The following HEPHL1 variants were observed in gnomAD, a reference collection of about 807,000 sequenced individuals.
HEPHL1 encodes ferroxidase HEPHL1.
Under a neutral mutation model 122.0 loss-of-function variants are expected in HEPHL1, and 123 were observed. The observed-to-expected ratio is 1.01, with a 90% CI of 0.87 to 1.17. HEPHL1 has a LOEUF of 1.17. Among genes scored for constraint, HEPHL1 ranks in the 50% most tolerant of loss-of-function variants. The pLI is 0.00. For missense variants in HEPHL1, 1,452 were observed against 1,430.5 expected (o/e 1.01, Z -0.24); for synonymous variants, 527 against 508.9 (o/e 1.04, Z -0.48).
At chr11:94,061,778 A>G (rs1432566081) in intron 2 of HEPHL1, among the ~76,000 whole-genome samples, 1 of 152,188 alleles carries the variant, frequency 6.6e-6, no homozygotes, top group Non-Finnish European at 1.5e-5. Context: ...CATCTTTTGG[A>G]AAGCATTCTT....
chr11:94,085,891 G>T, intron 10 of HEPHL1, 86 bp from the exon 11 acceptor site: 1 of 947,182 alleles, frequency 1.1e-6, no homozygotes. Context: ...TGAAAACAAG[G>T]ATCTTTTGTA....
At position 94,064,358 on chromosome 11, in the gene HEPHL1, G is replaced by T. The variant is rs749277008; in HGVS notation, c.656G>T (p.Arg219Leu). 6.2e-7 allele frequency: 1 copy of T among 1,612,760 alleles called. No individual in the cohort carries two copies. The highest frequency in any genetic ancestry group is 1.3e-5 in the African/African-American group (1 of 74,892). ...EGILNRYSGT[R>L]NDVDREFVIM... ...ATCCTGAATAGATATTCAGGGACAC[G>T]GAATGATGTGGATCGAGAGTTTGTT... The change falls in exon 4 of 20, where the codon CGG (arginine) becomes CTG (leucine). Residue 219 changes from arginine to leucine, a missense_variant. By Grantham distance (102) the Arg-to-Leu change is moderately radical. Transcript: ENST00000315765.
At chr11:94,062,705 T>A (rs1945996335) in intron 2 of HEPHL1, among the ~76,000 whole-genome samples, 2 of 151,872 alleles carry the variant, frequency 1.3e-5, no homozygotes, top group South Asian at 4.2e-4. Context: ...AAATCTCACC[T>A]CTGTTGTAGA....
At chr11:94,041,073 C>T (rs1275321818) in intron 1 of HEPHL1, among the ~76,000 whole-genome samples, 2 of 137,678 alleles carry the variant, frequency 1.5e-5, no homozygotes, top group African/African-American at 5.6e-5. Context: ...TTCTTATAGA[C>T]CAACAACAGA....
chr11:94,070,305 A>G, intron 5 of HEPHL1, 69 bp from the exon 6 acceptor site: 1 of 1,432,392 alleles, frequency 7.0e-7, no homozygotes, highest in African/African-American at 1.4e-5. Flanking sequence ...CAAATCTATC[A>G]GTCTTTTCCT....
In HEPHL1 at chr11:94,056,629, C is replaced by T. The variant is rs552503713; in HGVS notation, c.416-6879C>T. ...AAGCTTTGCTCCATAAAGCTCCATTCTCTCCCCCTCCTTTGTGCTATTATT... is the reference window on the plus strand; with the variant it reads ...AAGCTTTGCTCCATAAAGCTCCATTTTCTCCCCCTCCTTTGTGCTATTATT... On this transcript the variant is annotated intron_variant, in intron 2 of 19. Transcript: ENST00000315765. Among the ~76,000 whole-genome samples the T allele has an allele frequency of 8.3e-4, 87 of 104,646 alleles. 1 individual carries two copies. In the South Asian group the frequency reaches 0.015, roughly 18 times the overall value. The allele number at this position is 104,646 out of a possible 152,430, so 68.7% of individuals were successfully genotyped here. A position where few individuals can be genotyped will look rare whatever the true frequency, so the allele number is the denominator to read the frequency against.
At chr11:94,084,187 G>C (rs1227196462) in intron 10 of HEPHL1, among the ~76,000 whole-genome samples, 1 of 151,760 alleles carries the variant, frequency 6.6e-6, no homozygotes, top group Non-Finnish European at 1.5e-5. Flanking sequence ...AGCCAGGTAT[G>C]GTGGTGTGCA....
chr11:94,092,020 G>A (rs1321546233), intron 12 of HEPHL1, among the ~76,000 whole-genome samples: 8 of 152,160 alleles, frequency 5.3e-5, no homozygotes, highest in East Asian at 3.9e-4. Context: ...TAACATCAAC[G>A]TTGTTAAATG....
chr11:94,021,656 A>C, intron 1 of HEPHL1, 118 bp downstream of exon 1: 2 of 800,186 alleles, frequency 2.5e-6, no homozygotes, highest in East Asian at 5.0e-5. Context: ...GACCAAGAGA[A>C]GGTGTTTTGT....
In HEPHL1 at chr11:94,063,703, T is replaced by C; in HGVS notation, c.611T>C (p.Leu204Pro). ...ATCTGCTCTGGGCTAATTGGGCCCC[T>C]GCTGGTCTGCAAGGAAGGTAAGGAG... Reference protein sequence around the residue: ...KDICSGLIGPLLVCKEGILNR... With the variant: ...KDICSGLIGPPLVCKEGILNR... Residue 204 changes from leucine (L) to proline (P), a missense_variant, in exon 3 of 20, where the codon CTG (leucine) becomes CCG (proline). By Grantham distance (98) the Leu-to-Pro change is moderately conservative. Coordinates refer to ENST00000315765, the MANE Select transcript of HEPHL1 (RefSeq NM_001098672.2). 6.2e-7 allele frequency: 1 copy of C among 1,613,600 alleles called. No individual in the cohort carries two copies. Among genetic ancestry groups the C allele is most frequent in the Non-Finnish European group, 8.5e-7 (1 of 1,179,656 alleles).
At chr11:94,060,405 C>G (rs900098135) in intron 2 of HEPHL1, among the ~76,000 whole-genome samples, 3 of 151,654 alleles carry the variant, frequency 2.0e-5, no homozygotes, top group Non-Finnish European at 4.4e-5. Context: ...AAAACTTAGG[C>G]ACATGTTATA....
chr11:94,102,919 G>C lies in HEPHL1; in HGVS notation c.2581G>C (p.Val861Leu). The C allele has an allele frequency of 6.5e-7, 1 of 1,549,744 alleles. No homozygotes were observed. The highest frequency in any genetic ancestry group is 2.2e-5 in the East Asian group (1 of 44,550). The change falls in exon 15 of 20, where the codon GTA (valine) becomes CTA (leucine). Residue 861 changes from valine (V) to leucine (L), a missense_variant. Val to Leu is a conservative substitution (Grantham distance 32, BLOSUM62 1). Transcript: ENST00000315765. The part of the protein sequence containing the change: ...FQVPMTKPGE[V>L]KTYRWNIPKR... ...TTCCATTTCATTTATTACAGGAGAAGTAAAAACTTATAGATGGAATATCCC... is the reference window on the plus strand; with the variant it reads ...TTCCATTTCATTTATTACAGGAGAACTAAAAACTTATAGATGGAATATCCC...
At chr11:94,078,476 T>TATATATATATATATAC in intron 9 of HEPHL1, among the ~76,000 whole-genome samples, 2 of 125,912 alleles carry the variant, frequency 1.6e-5, no homozygotes, top group South Asian at 5.3e-4. Context: ...TATATATATA[T>TATATATATATATATAC]GGAGAAAGAG....
At chr11:94,030,810 G>A (rs1046984181) in intron 1 of HEPHL1, among the ~76,000 whole-genome samples, 2 of 152,178 alleles carry the variant, frequency 1.3e-5, no homozygotes, top group Non-Finnish European at 2.9e-5. Context: ...GAGTGGGAGA[G>A]GGCTAACTCT....
chr11:94,085,906 G>A, intron 10 of HEPHL1, 71 bp from the exon 11 acceptor site: 2 of 1,075,380 alleles, frequency 1.9e-6, no homozygotes, highest in South Asian at 1.3e-5. Context: ...TTTGTAAACA[G>A]TTTACATATT....
At chr11:94,086,547 G>A (rs1181376176) in intron 11 of HEPHL1, among the ~76,000 whole-genome samples, 1 of 152,158 alleles carries the variant, frequency 6.6e-6, no homozygotes, top group Non-Finnish European at 1.5e-5. Flanking sequence ...CTTCTCTGAA[G>A]CATCTACCAG....
intron 1 of HEPHL1, among the ~76,000 whole-genome samples, chr11:94,042,888 A>AAAAAAAAAAAAAC (rs1945799042): frequency 8.7e-6 from 1 of 114,432 alleles, no homozygotes; most frequent in Admixed American, 8.0e-5. Context: ...AAAAAAAAAA[A>AAAAAAAAAAAAAC]AAAAACTGCA....
At chr11:94,052,050 T>G (rs949742029) in intron 2 of HEPHL1, among the ~76,000 whole-genome samples, 1 of 152,118 alleles carries the variant, frequency 6.6e-6, no homozygotes, top group African/African-American at 2.4e-5. Flanking sequence ...AGCTCTGTAG[T>G]ATAATTTGAA....
chr11:94,104,568 G>A lies in HEPHL1; in HGVS notation c.2723G>A (p.Arg908Gln), dbSNP rs375859938. 2.0e-5 allele frequency: 32 copies of A among 1,613,622 alleles called. No homozygotes were observed. The highest frequency in any genetic ancestry group is 1.6e-4 in the South Asian group (15 of 91,076). ...TTGATGGGTCCTCTGATTACATGCC[G>A]AAAAGGAGTCTTGAATGAAAAGGGA... ...SGLMGPLITC[R>Q]KGVLNEKGRR... Residue 908 changes from arginine to glutamine, a missense_variant, in exon 16 of 20, where the codon CGA (arginine) becomes CAA (glutamine). Coordinates refer to ENST00000315765, the MANE Select transcript of HEPHL1 (RefSeq NM_001098672.2).
Sources: gnomAD v4.1 joint callset for allele counts (sites outside exome capture counted in the v4.1 genomes callset) on GRCh38, gnomAD v4.1.1 for gene constraint, MANE v1.5 for transcripts, NCBI Gene and HGNC (gene_info 2026-07-23, HGNC 2026-07-21) for gene names.